IGF2R: variants seen among roughly 807,000 people sequenced by gnomAD.
The protein encoded by IGF2R is cation-independent mannose-6-phosphate receptor.
In IGF2R, 91 loss-of-function variants were observed where a neutral mutation model predicts 270.6. The observed-to-expected ratio is 0.34, with a 90% CI of 0.28 to 0.40. The LOEUF is 0.40. Ranked by LOEUF, IGF2R falls within the 10% of genes least tolerant of loss-of-function variation. The pLI, the probability that IGF2R is intolerant of heterozygous loss-of-function variation, is 1.00. For synonymous variants in IGF2R, 1,316 were observed against 1,258.9 expected (o/e 1.05, Z -0.96); for missense variants, 2,805 against 3,188.3 (o/e 0.88, Z 2.90).
intron 4 of IGF2R, among the ~76,000 whole-genome samples, chr6:160,013,780 G>C (rs1777206321): frequency 1.3e-5 from 2 of 152,112 alleles, no homozygotes; most frequent in African/African-American, 4.8e-5. Flanking sequence ...GAACTGAAAA[G>C]CATAATGACT....
chr6:159,995,980 G>C (rs866676946), intron 2 of IGF2R, among the ~76,000 whole-genome samples: 36 of 129,964 alleles, frequency 2.8e-4, no homozygotes, highest in Non-Finnish European at 5.7e-4. Flanking sequence ...CTTTATTTTT[G>C]AATTTACTTT....
rs541239210 is a variant in IGF2R at position 159,996,223 on chromosome 6, AT to A, written c.289+4904del. ...TGGAAGGCAGAGTTCTCAGGAAGTT[AT>A]TTTGTTCTCCCTTGCTTTGCACTTT... On this transcript the variant is annotated intron_variant, in intron 2 of 47. Coordinates refer to ENST00000356956, the MANE Select transcript of IGF2R (RefSeq NM_000876.4). Among the ~76,000 whole-genome samples, 97 of 152,194 alleles carry A rather than the reference AT, an allele frequency of 6.4e-4. 1 individual carries two copies. Among genetic ancestry groups the A allele is most frequent in the Non-Finnish European group, 1.3e-3 (88 of 67,998 alleles).
At chr6:160,040,044 C>T (rs1003138213) in intron 10 of IGF2R, among the ~76,000 whole-genome samples, 4 of 152,134 alleles carry the variant, frequency 2.6e-5, no homozygotes, top group Admixed American at 6.5e-5. Context: ...TCACTGGGAG[C>T]GACTGACTAT....
intron 41 of IGF2R, 53 bp from the exon 42 acceptor site, chr6:160,087,980 G>A: frequency 8.2e-7 from 1 of 1,224,698 alleles, no homozygotes; most frequent in South Asian, 1.2e-5. Context: ...CCTGCCTGAG[G>A]CTTTTTATAA....
At chr6:159,969,728 G>A (rs1376090555) in intron 1 of IGF2R, among the ~76,000 whole-genome samples, 1 of 152,154 alleles carries the variant, frequency 6.6e-6, no homozygotes, top group Non-Finnish European at 1.5e-5. Context: ...GCGCGGCCGG[G>A]CGTCCGGGAA....
chr6:159,988,067 GC>G (rs947187677), intron 1 of IGF2R, among the ~76,000 whole-genome samples: 6 of 152,126 alleles, frequency 3.9e-5, no homozygotes, highest in African/African-American at 1.4e-4. Context: ...ATTGAATAGA[GC>G]AACACTTTTC....
At chr6:160,093,641 A>G (rs1191105584) in intron 44 of IGF2R, 1 of 733,906 alleles carries the variant, frequency 1.4e-6, no homozygotes, top group Non-Finnish European at 2.6e-6. Context: ...GGACCAGGTA[A>G]ACTTCCGTGG....
At chr6:160,078,777 A>G (rs8191899) in intron 37 of IGF2R, among the ~76,000 whole-genome samples, 1 of 152,130 alleles carries the variant, frequency 6.6e-6, no homozygotes, top group Non-Finnish European at 1.5e-5. Flanking sequence ...TGATCAAGGC[A>G]GTTGTTTGCT....
chr6:160,109,444 C>T lies in IGF2R; in HGVS notation c.*4360C>T, dbSNP rs1202352770. 6.6e-6 allele frequency: 1 copy of T among 152,236 alleles called. No individual in the cohort carries two copies. Among genetic ancestry groups the T allele is most frequent in the Non-Finnish European group, 1.5e-5 (1 of 68,032 alleles). The allele number at this position is 152,236 out of a possible 1,614,324, so 9.4% of individuals were successfully genotyped here. A position where few individuals can be genotyped will look rare whatever the true frequency, so the allele number is the denominator to read the frequency against. ...TTGAGACAACATGTAGACATTCAAA[C>T]TTACAGAACAAAGAACTATTTTTTC... is the stretch of plus-strand genomic sequence containing the variant. On this transcript the variant is annotated 3_prime_UTR_variant, in exon 48 of 48. Coordinates refer to ENST00000356956, the MANE Select transcript of IGF2R (RefSeq NM_000876.4).
Position 160,027,063 on chromosome 6 carries a change from ATAGT to A in IGF2R, c.647-119_647-116del. ...TTAATGGCTTGCCCAAGGTTTCAGA[ATAGT>A]TACTTAGGGAGACTTTTAGGAATTC... On this transcript the variant is annotated intron_variant, in intron 5 of 47. Coordinates refer to ENST00000356956, the MANE Select transcript of IGF2R (RefSeq NM_000876.4). 3.6e-6 allele frequency: 4 copies of A among 1,100,848 alleles called. No individual in the cohort carries two copies. The South Asian group carries it at 4.4e-5, about 12-fold the overall frequency. The allele number at this position is 1,100,848 out of a possible 1,614,324, so 68.2% of individuals were successfully genotyped here. A position where few individuals can be genotyped will look rare whatever the true frequency, so the allele number is the denominator to read the frequency against.
At position 160,027,237 on chromosome 6, in the gene IGF2R, C is replaced by T. The variant is rs764774613; in HGVS notation, c.699C>T (p.Ala233=). 5.1e-5 allele frequency: 82 copies of T among 1,614,118 alleles called. No homozygotes were observed. The highest frequency in any genetic ancestry group is 4.9e-4 in the Middle Eastern group (3 of 6,082). The change falls in exon 6 of 48, where the codon GCC becomes GCT. Residue 233 remains alanine, a synonymous_variant. Transcript: ENST00000356956. ...SQLRACPPGT[A]ACLVRGHQAF... ...TGCGGGCCTGTCCCCCCGGCACTGC[C>T]GCCTGCCTGGTAAGAGGACACCAGG...
In IGF2R at chr6:160,104,906, A is replaced by G. The variant is rs1159935081; in HGVS notation, c.7298A>G (p.His2433Arg). 1 of 1,614,140 alleles carries G rather than the reference A, an allele frequency of 6.2e-7. No homozygotes were observed. Among genetic ancestry groups the G allele is most frequent in the South Asian group, 1.1e-5 (1 of 91,072 alleles). ...AGGGGAGCTGGGGCAGAGAGCTCCC[A>G]CCCAGTGAGAAACGCACAGAGCAAT... Reference protein sequence around the residue: ...SGRGAGAESSHPVRNAQSNAL... With the variant: ...SGRGAGAESSRPVRNAQSNAL... The change falls in exon 48 of 48, where the codon CAC (histidine) becomes CGC (arginine). Residue 2433 changes from histidine to arginine, a missense_variant. Physicochemically the swap from His to Arg is conservative, Grantham distance 29. Around this residue, in one of 2 missense-constraint regions of IGF2R, gnomAD observed 1,851 missense variants for 2,207.2 expected, o/e 0.84. Transcript: ENST00000356956.
intron 11 of IGF2R, among the ~76,000 whole-genome samples, chr6:160,041,150 C>T (rs1178496503): frequency 6.6e-6 from 1 of 152,132 alleles, no homozygotes; most frequent in African/African-American, 2.4e-5. Context: ...GAGGCAGCAG[C>T]GCCCCCCACA....
intron 10 of IGF2R, among the ~76,000 whole-genome samples, chr6:160,036,217 A>G (rs1777820521): frequency 6.6e-6 from 1 of 151,532 alleles, no homozygotes; most frequent in African/African-American, 2.4e-5. Context: ...CTCTGGATGG[A>G]CCTCGCATCT....
chr6:160,104,921 C>T lies in IGF2R; in HGVS notation c.7313C>T (p.Ala2438Val), dbSNP rs758508003. Residue 2438 changes from alanine (A) to valine (V), a missense_variant, in exon 48 of 48, where the codon GCA becomes GTA. Ala to Val is a moderately conservative substitution (Grantham distance 64, BLOSUM62 0). Around this residue, in one of 2 missense-constraint regions of IGF2R, gnomAD observed 1,851 missense variants for 2,207.2 expected, o/e 0.84. Transcript: ENST00000356956. ...GAESSHPVRN[A>V]QSNALQERED... Reference sequence around the variant, plus strand: ...GAGAGCTCCCACCCAGTGAGAAACGCACAGAGCAATGCCCTTCAGGAGCGT... The same window carrying T: ...GAGAGCTCCCACCCAGTGAGAAACGTACAGAGCAATGCCCTTCAGGAGCGT... 3.7e-6 allele frequency: 6 copies of T among 1,614,036 alleles called. No homozygotes were observed. Among genetic ancestry groups the T allele is most frequent in the Non-Finnish European group, 5.1e-6 (6 of 1,180,036 alleles).
intron 44 of IGF2R, among the ~76,000 whole-genome samples, chr6:160,092,638 C>T (rs2114733643): frequency 6.6e-6 from 1 of 152,360 alleles, no homozygotes; most frequent in Non-Finnish European, 1.5e-5. Flanking sequence ...AGCTGTCTCT[C>T]ATCAGGACGT....
chr6:159,969,099 C>G lies in IGF2R; in HGVS notation c.-148C>G, dbSNP rs1197989417. The G allele has an allele frequency of 1.3e-5, 4 of 311,878 alleles. No individual in the cohort carries two copies. The highest frequency in any genetic ancestry group is 2.3e-5 in the African/African-American group (1 of 43,856). 19.3% of individuals were successfully genotyped at this position (311,878 alleles called of 1,614,324 possible). ...CCGCCGCTGCCGCTGTCGCTGTCGC[C>G]GAGCCCAGTCGAGCCGCGCTCACCT... On this transcript the variant is annotated 5_prime_UTR_variant, in exon 1 of 48. Coordinates refer to ENST00000356956, the MANE Select transcript of IGF2R (RefSeq NM_000876.4).
At chr6:160,076,608 G>C (rs1002926607) in intron 36 of IGF2R, among the ~76,000 whole-genome samples, 1 of 152,204 alleles carries the variant, frequency 6.6e-6, no homozygotes, top group Non-Finnish European at 1.5e-5. Context: ...ACTCAGAGTA[G>C]CTCTGCAGGG....
intron 41 of IGF2R, among the ~76,000 whole-genome samples, chr6:160,087,090 C>T (rs571177034): frequency 6.6e-6 from 1 of 152,318 alleles, no homozygotes; most frequent in South Asian, 2.1e-4. Context: ...AGCATGTACT[C>T]ACTTTTCTCT....
Sources: allele counts gnomAD v4.1 joint callset (sites outside exome capture counted in the v4.1 genomes callset), GRCh38; gene constraint gnomAD v4.1.1; regional missense constraint gnomAD v4.1.1; transcripts MANE v1.5; gene names NCBI Gene and HGNC (gene_info 2026-07-23, HGNC 2026-07-21).